The following SLC38A12 variants were observed in gnomAD, a reference collection of about 807,000 sequenced individuals.
SLC38A12 encodes solute carrier family 38 member 12.
the SLC38A12 span, chr17:74,795,655 C>T: frequency 4.8e-5 from 77 of 1,588,610 alleles, no homozygotes; most frequent in East Asian, 4.5e-4. Flanking sequence ...GCCTCTGTGC[C>T]GCCTGCCCCA....
the SLC38A12 span, among the ~76,000 whole-genome samples, chr17:74,823,394 T>G: frequency 1.3e-5 from 2 of 152,238 alleles, no homozygotes; most frequent in African/African-American, 4.8e-5. Context: ...CTGAGGAGCC[T>G]TCGGGCCAGC....
the SLC38A12 span, among the ~76,000 whole-genome samples, chr17:74,808,129 A>G: frequency 5.3e-5 from 8 of 152,356 alleles, no homozygotes; most frequent in Non-Finnish European, 1.2e-4. Context: ...GCCGAGAAAG[A>G]GCCCACACAG....
chr17:74,781,593 T>C, the SLC38A12 span, among the ~76,000 whole-genome samples: 11 of 152,238 alleles, frequency 7.2e-5, no homozygotes, highest in Non-Finnish European at 1.6e-4. Context: ...ACTGTCACTT[T>C]CTTATGCCTC....
At chr17:74,793,928 C>A in the SLC38A12 span, among the ~76,000 whole-genome samples, 1 of 152,194 alleles carries the variant, frequency 6.6e-6, no homozygotes, top group East Asian at 1.9e-4. Context: ...ATAACATGTC[C>A]TAGGCTTTCC....
the SLC38A12 span, among the ~76,000 whole-genome samples, chr17:74,811,975 GTT>G: frequency 2.0e-5 from 3 of 151,976 alleles, no homozygotes; most frequent in African/African-American, 7.3e-5. Flanking sequence ...GAGCCTAGGA[GTT>G]CGGGGCTGCA....
chr17:74,833,222 C>G, the SLC38A12 span, among the ~76,000 whole-genome samples: 2 of 152,232 alleles, frequency 1.3e-5, no homozygotes, highest in Non-Finnish European at 2.9e-5. Context: ...CACCATGTTG[C>G]CAGGCTGGTC....
the SLC38A12 span, chr17:74,837,029 A>G: frequency 9.2e-7 from 1 of 1,086,960 alleles, no homozygotes; most frequent in East Asian, 6.8e-5. Context: ...CTCCCTGCAC[A>G]ATGGGAGATG....
At chr17:74,836,238 G>T in the SLC38A12 span, 1 of 1,611,526 alleles carries the variant, frequency 6.2e-7, no homozygotes. The surrounding 1 kb of genome is among the most constrained non-coding windows in gnomAD (Gnocchi z 4.2). Flanking sequence ...CTGTGACGTC[G>T]TGGGCCTGGC....
At chr17:74,796,096 T>C in the SLC38A12 span, among the ~76,000 whole-genome samples, 7 of 152,236 alleles carry the variant, frequency 4.6e-5, no homozygotes, top group Admixed American at 2.0e-4. Context: ...CTTCCTATCT[T>C]CCCTCCTCTC....
the SLC38A12 span, among the ~76,000 whole-genome samples, chr17:74,791,224 C>T: frequency 6.6e-6 from 1 of 152,132 alleles, no homozygotes; most frequent in African/African-American, 2.4e-5. Flanking sequence ...TCCCTGTCTG[C>T]GGGCATTAAA....
chr17:74,827,550 C>G, the SLC38A12 span, among the ~76,000 whole-genome samples: 3 of 152,168 alleles, frequency 2.0e-5, no homozygotes, highest in Non-Finnish European at 4.4e-5. This position sits in a 1 kb window ranked among gnomAD's most constrained non-coding sequence, Gnocchi z 4.7. Context: ...CCCACCTCGG[C>G]CTCCCAAAGT....
the SLC38A12 span, among the ~76,000 whole-genome samples, chr17:74,824,749 G>T: frequency 6.6e-6 from 1 of 152,262 alleles, no homozygotes; most frequent in Non-Finnish European, 1.5e-5. Flanking sequence ...CCTCAAAGTG[G>T]GTCAGACACC....
At chr17:74,799,233 G>A in the SLC38A12 span, among the ~76,000 whole-genome samples, 1 of 152,240 alleles carries the variant, frequency 6.6e-6, no homozygotes, top group Non-Finnish European at 1.5e-5. Context: ...AAGAGCAAGC[G>A]GCATCTACCG....
the SLC38A12 span, among the ~76,000 whole-genome samples, chr17:74,790,531 T>C: frequency 6.6e-6 from 1 of 152,180 alleles, no homozygotes; most frequent in African/African-American, 2.4e-5. Flanking sequence ...TTCCTTGACC[T>C]GTGCACCTCA....
the SLC38A12 span, among the ~76,000 whole-genome samples, chr17:74,821,353 GC>G: frequency 1.3e-5 from 2 of 152,236 alleles, no homozygotes; most frequent in Non-Finnish European, 2.9e-5. Context: ...GTCTGCATCT[GC>G]CCCATTCAGT....
the SLC38A12 span, chr17:74,819,673 G>T: frequency 7.0e-7 from 1 of 1,434,948 alleles, no homozygotes; most frequent in South Asian, 1.1e-5. Context: ...GAGGCCACGT[G>T]AGCAGCAGCG....
chr17:74,836,929 C>T, the SLC38A12 span: 43 of 1,345,602 alleles, frequency 3.2e-5, no homozygotes, highest in Non-Finnish European at 4.0e-5. The surrounding 1 kb of genome is among the most constrained non-coding windows in gnomAD (Gnocchi z 4.2). Context: ...CGCGTGGCTG[C>T]TCCCAAGTTC....
At chr17:74,830,975 T>C in the SLC38A12 span, among the ~76,000 whole-genome samples, 1 of 152,232 alleles carries the variant, frequency 6.6e-6, no homozygotes, top group African/African-American at 2.4e-5. Context: ...AGGCTCTGCC[T>C]ATGGGTGTCC....
At chr17:74,836,343 C>T in the SLC38A12 span, 1 of 1,612,998 alleles carries the variant, frequency 6.2e-7, no homozygotes, top group Non-Finnish European at 8.5e-7. The surrounding 1 kb of genome is among the most constrained non-coding windows in gnomAD (Gnocchi z 4.2). Flanking sequence ...CTGGAAGACA[C>T]TCTTCCACCG....
Sources: gnomAD v4.1 joint callset for allele counts (sites outside exome capture counted in the v4.1 genomes callset) on GRCh38, gnomAD v4.1.1 for gene constraint, Gnocchi (gnomAD v3.1) non-coding constraint, MANE v1.5 for transcripts, NCBI Gene and HGNC (gene_info 2026-07-23, HGNC 2026-07-21) for gene names.